Variants in LRRFIP1 observed in about 807,000 individuals in gnomAD.
The protein encoded by LRRFIP1 is LRR binding FLII interacting protein 1, also known as leucine-rich repeat flightless-interacting protein 1.
In LRRFIP1, 62 loss-of-function variants were observed where a neutral mutation model predicts 104.4. The observed-to-expected ratio is 0.59, with a 90% CI of 0.48 to 0.73. LRRFIP1 has a LOEUF of 0.73. Ranked by LOEUF, LRRFIP1 falls within the 30% of genes least tolerant of loss-of-function variation. The pLI is 0.00. For missense variants in LRRFIP1, 796 were observed against 824.5 expected (o/e 0.97, Z 0.42); for synonymous variants, 300 against 299.0 (o/e 1.00, Z -0.03).
rs1368915040 is a variant in LRRFIP1, at chr2:237,764,531, T to G, written c.1459+4326T>G. Reference sequence around the variant, plus strand: ...AAATGACCAAATAGCATTCTTAGACTTCTGTATTATGAATATAATTGATAT... The same window carrying G: ...AAATGACCAAATAGCATTCTTAGACGTCTGTATTATGAATATAATTGATAT... On this transcript the variant is annotated intron_variant, in intron 19 of 23. Transcript: ENST00000308482. 2.8e-6 allele frequency: 3 copies of G among 1,059,948 alleles called. No homozygotes were observed. In the African/African-American group the frequency reaches 5.0e-5, roughly 18 times the overall value. 65.7% of individuals were successfully genotyped at this position (1,059,948 alleles called of 1,614,324 possible).
At chr2:237,763,249 A>G in intron 19 of LRRFIP1, 1 of 1,614,160 alleles carries the variant, frequency 6.2e-7, no homozygotes, top group Non-Finnish European at 8.5e-7. Flanking sequence ...GGGACGAGAA[A>G]CCAATCAAGA....
At chr2:237,730,437 T>G (rs1006349448) in intron 8 of LRRFIP1, among the ~76,000 whole-genome samples, 3 of 152,162 alleles carry the variant, frequency 2.0e-5, no homozygotes, top group Non-Finnish European at 4.4e-5. Flanking sequence ...GGGACTAGTT[T>G]AGGTAGGAAA....
chr2:237,631,737 T>C (rs760022422), intron 1 of LRRFIP1, among the ~76,000 whole-genome samples: 6 of 152,252 alleles, frequency 3.9e-5, no homozygotes, highest in Non-Finnish European at 8.8e-5. Context: ...GGTCTCACCA[T>C]GCAATTCAAA....
chr2:237,669,773 G>A (rs575597489), intron 1 of LRRFIP1, among the ~76,000 whole-genome samples: 11 of 152,214 alleles, frequency 7.2e-5, no homozygotes, highest in African/African-American at 2.6e-4. Flanking sequence ...TAAAAATAAC[G>A]GTGTCATTAA....
At chr2:237,749,976 G>A (rs1465554558) in intron 13 of LRRFIP1, among the ~76,000 whole-genome samples, 1 of 152,186 alleles carries the variant, frequency 6.6e-6, no homozygotes, top group South Asian at 2.1e-4. Context: ...AAGGGCAGGT[G>A]AGGTGACTAG....
intron 1 of LRRFIP1, among the ~76,000 whole-genome samples, chr2:237,665,355 T>C (rs776654255): frequency 6.6e-6 from 1 of 152,240 alleles, no homozygotes; most frequent in Admixed American, 6.5e-5. Flanking sequence ...ACAAAACATG[T>C]ATAATTGAAG....
chr2:237,768,724 C>A (rs928972992), intron 19 of LRRFIP1: 1 of 152,154 alleles, frequency 6.6e-6, no homozygotes, highest in Admixed American at 6.5e-5. Flanking sequence ...AACTTAGGAT[C>A]TTTGGAAAAC....
chr2:237,693,005 G>A (rs1376495174), intron 1 of LRRFIP1, among the ~76,000 whole-genome samples: 1 of 152,198 alleles, frequency 6.6e-6, no homozygotes, highest in African/African-American at 2.4e-5. Flanking sequence ...GACTCCAGAC[G>A]CCAAATCCAC....
At chr2:237,686,507 A>G (rs2092380498) in intron 1 of LRRFIP1, among the ~76,000 whole-genome samples, 1 of 152,194 alleles carries the variant, frequency 6.6e-6, no homozygotes, top group Admixed American at 6.5e-5. Context: ...CCATCTACCC[A>G]CCCATCATTT....
chr2:237,729,927 T>C (rs1279214057), intron 8 of LRRFIP1: 1 of 612,292 alleles, frequency 1.6e-6, no homozygotes, highest in Non-Finnish European at 2.0e-6. Flanking sequence ...GATTCAGCTC[T>C]ACTTTTCTCT....
chr2:237,662,132 G>A (rs569480983), intron 1 of LRRFIP1, among the ~76,000 whole-genome samples: 37 of 147,622 alleles, frequency 2.5e-4, no homozygotes, highest in African/African-American at 8.1e-4. Flanking sequence ...CCAGCTTCTG[G>A]TGCTGCTGGC....
chr2:237,721,178 C>A, intron 6 of LRRFIP1: 1 of 203,898 alleles, frequency 4.9e-6, no homozygotes, highest in East Asian at 1.1e-4. Context: ...AGTCTGTATC[C>A]ACTGACACCC....
intron 1 of LRRFIP1, among the ~76,000 whole-genome samples, chr2:237,655,264 C>T (rs893009517): frequency 4.7e-5 from 7 of 149,564 alleles, no homozygotes; most frequent in Admixed American, 2.7e-4. Context: ...GCATGCATCA[C>T]CATGCCCAGC....
chr2:237,709,744 G>A (rs139702030), intron 2 of LRRFIP1, among the ~76,000 whole-genome samples: 1 of 152,274 alleles, frequency 6.6e-6, no homozygotes, highest in East Asian at 1.9e-4. Context: ...GTGTCACCAA[G>A]CCCTGGAACC....
chr2:237,739,280 A>G lies in LRRFIP1; in HGVS notation c.604A>G (p.Arg202Gly), dbSNP rs2095343796. ...CAACTCCAGCTCCCGCGCCTCCTCC[A>G]GGGCCAGCTCGGCCCGGGCCAGCCC... ...HLNSSSRASS[R>G]ASSARASPVV... Residue 202 changes from arginine to glycine, a missense_variant, in exon 11 of 24, where the codon AGG (arginine) becomes GGG (glycine). Transcript: ENST00000308482. The G allele has an allele frequency of 6.4e-7, 1 of 1,564,244 alleles. No individual in the cohort carries two copies. The highest frequency in any genetic ancestry group is 1.4e-5 in the African/African-American group (1 of 73,774).
At chr2:237,767,007 A>G (rs1468805766) in intron 19 of LRRFIP1, among the ~76,000 whole-genome samples, 2 of 151,906 alleles carry the variant, frequency 1.3e-5, no homozygotes, top group African/African-American at 4.8e-5. Context: ...CCATCTCTAC[A>G]AAAAAAATAT....
At chr2:237,654,879 C>T (rs1051879602) in intron 1 of LRRFIP1, among the ~76,000 whole-genome samples, 2 of 152,056 alleles carry the variant, frequency 1.3e-5, no homozygotes, top group Admixed American at 6.5e-5. Context: ...CTCCCACATT[C>T]CCTGCAGCAC....
At chr2:237,756,963 C>T (rs1034101230) in intron 16 of LRRFIP1, among the ~76,000 whole-genome samples, 2 of 152,052 alleles carry the variant, frequency 1.3e-5, no homozygotes, top group African/African-American at 4.8e-5. Context: ...GAGGTTGGAG[C>T]GATGCGAGAG....
rs988179606 is a variant in LRRFIP1, at chr2:237,727,412, A to G, written c.385-464A>G. Among the ~76,000 whole-genome samples the G allele has an allele frequency of 1.4e-4, 22 of 152,010 alleles. 1 individual carries two copies. Among genetic ancestry groups the G allele is most frequent in the Admixed American group, 1.2e-3 (19 of 15,248 alleles). On this transcript the variant is annotated intron_variant, in intron 7 of 23. Coordinates refer to ENST00000308482, the MANE Select transcript of LRRFIP1 (RefSeq NM_001137550.2). ...AATCTTCTGAATTATGGCCCATAGC[A>G]TCACAATGTGCCATAATTTTCAAAG...
Sources: allele counts gnomAD v4.1 joint callset (sites outside exome capture counted in the v4.1 genomes callset), GRCh38; gene constraint gnomAD v4.1.1; transcripts MANE v1.5; gene names NCBI Gene and HGNC (gene_info 2026-07-23, HGNC 2026-07-21).